Variants in CSGALNACT1 observed in about 807,000 individuals in gnomAD.
CSGALNACT1 encodes beta4GalNAcT-1.
Under a neutral mutation model 51.0 loss-of-function variants are expected in CSGALNACT1, and 52 were observed. The observed-to-expected ratio is 1.02, with a 90% CI of 0.82 to 1.29. The LOEUF (loss-of-function observed/expected upper bound fraction) is 1.29. Among genes scored for constraint, CSGALNACT1 ranks in the 50% most tolerant of loss-of-function variants. The pLI, the probability that CSGALNACT1 is intolerant of heterozygous loss-of-function variation, is 0.00. For missense variants in CSGALNACT1, 935 were observed against 679.2 expected, an observed-to-expected ratio of 1.38 and a Z score of -4.19; for synonymous variants, 341 against 254.4, an observed-to-expected ratio of 1.34 and a Z score of -3.24.
At chr8:19,668,341 TACAC>T (rs111315690) in intron 1 of CSGALNACT1, among the ~76,000 whole-genome samples, 1 of 150,644 alleles carries the variant, frequency 6.6e-6, no homozygotes, top group Non-Finnish European at 1.5e-5. Context: ...CATGCACGGT[TACAC>T]ACACACACAC....
chr8:19,511,689 T>G (rs79522645), intron 3 of CSGALNACT1, among the ~76,000 whole-genome samples: 4,779 of 152,026 alleles, frequency 0.031, 225 homozygotes, highest in African/African-American at 0.11. Context: ...TGTACTGGGG[T>G]CTTGATGTGA....
At chr8:19,752,820 A>C (rs1351403398) in intron 1 of CSGALNACT1, among the ~76,000 whole-genome samples, 1 of 152,242 alleles carries the variant, frequency 6.6e-6, no homozygotes, top group Non-Finnish European at 1.5e-5. Context: ...GCCTAAAAAC[A>C]GCAATAAAAA....
chr8:19,567,811 AAC>A (rs1457252709), intron 3 of CSGALNACT1, among the ~76,000 whole-genome samples: 1 of 152,212 alleles, frequency 6.6e-6, no homozygotes, highest in Non-Finnish European at 1.5e-5. Flanking sequence ...TTAGATGTAA[AAC>A]ACAATGTGGA....
upstream of CSGALNACT1, chr8:19,682,751 A>G (rs11204064): frequency 0.48 from 215,709 of 453,790 alleles, 51,880 homozygotes; most frequent in South Asian, 0.53. Flanking sequence ...TGCGGATCCC[A>G]GAACAAGCCC....
In CSGALNACT1 at chr8:19,555,858, A is replaced by T. The variant is rs778447992; in HGVS notation, c.-297+35302T>A. ...GAGTGACTGAAATGCAACTCCGTGG[A>T]AACACCCCAACTCCACACATTCATC... is the stretch of plus-strand genomic sequence containing the variant. On this transcript the variant is annotated intron_variant, in intron 3 of 9. Transcript: ENST00000454498. Among the ~76,000 whole-genome samples, 9 of 152,296 alleles carry T rather than the reference A, an allele frequency of 5.9e-5. No homozygotes were observed. The Middle Eastern group carries it at 0.014, about 230-fold the overall frequency.
At chr8:19,446,535 T>C (rs1393335524) in intron 5 of CSGALNACT1, among the ~76,000 whole-genome samples, 1 of 152,154 alleles carries the variant, frequency 6.6e-6, no homozygotes, top group African/African-American at 2.4e-5. Flanking sequence ...ACTCATTCAG[T>C]TACTGAGAGA....
chr8:19,442,821 AC>A (rs1421513897), intron 5 of CSGALNACT1, among the ~76,000 whole-genome samples: 2 of 152,154 alleles, frequency 1.3e-5, no homozygotes, highest in African/African-American at 4.8e-5. Context: ...TGTGGGCCAA[AC>A]ACAGAGTCTT....
intron 1 of CSGALNACT1, among the ~76,000 whole-genome samples, chr8:19,673,540 A>G (rs750271336): frequency 6.6e-6 from 1 of 152,186 alleles, no homozygotes; most frequent in Non-Finnish European, 1.5e-5. Context: ...AAGATGCACC[A>G]CAGGAGAAAA....
chr8:19,650,797 G>A (rs575166144), intron 1 of CSGALNACT1, among the ~76,000 whole-genome samples: 1 of 152,288 alleles, frequency 6.6e-6, no homozygotes, highest in East Asian at 1.9e-4. Flanking sequence ...TAATGATTTT[G>A]GCCAGGAAGT....
At chr8:19,615,665 AACAAAG>A (rs1371065802) in intron 1 of CSGALNACT1, among the ~76,000 whole-genome samples, 1 of 152,236 alleles carries the variant, frequency 6.6e-6, no homozygotes, top group Admixed American at 6.5e-5. Context: ...AAACATCCCT[AACAAAG>A]ACAAAGATTT....
At chr8:19,464,019 C>A (rs1424063439) in intron 4 of CSGALNACT1, among the ~76,000 whole-genome samples, 1 of 152,214 alleles carries the variant, frequency 6.6e-6, no homozygotes, top group Non-Finnish European at 1.5e-5. Context: ...CCACTCCTGA[C>A]TCAGATTCCC....
At chr8:19,615,990 A>G (rs1227132212) in intron 1 of CSGALNACT1, among the ~76,000 whole-genome samples, 1 of 152,220 alleles carries the variant, frequency 6.6e-6, no homozygotes, top group Non-Finnish European at 1.5e-5. Flanking sequence ...TATCCATATC[A>G]TCAACTCTTA....
intron 1 of CSGALNACT1, among the ~76,000 whole-genome samples, chr8:19,739,356 A>C (rs1343601973): frequency 6.6e-6 from 1 of 152,152 alleles, no homozygotes; most frequent in East Asian, 1.9e-4. Context: ...TAGGATCTGT[A>C]CAGGTAGCCT....
chr8:19,440,488 G>C (rs1026148404), intron 5 of CSGALNACT1, among the ~76,000 whole-genome samples: 9 of 151,706 alleles, frequency 5.9e-5, no homozygotes, highest in African/African-American at 2.2e-4. Flanking sequence ...CTCAATAGAT[G>C]CAGAAAAGGC....
chr8:19,594,913 C>A (rs1378088365), intron 2 of CSGALNACT1, among the ~76,000 whole-genome samples: 2 of 152,008 alleles, frequency 1.3e-5, no homozygotes, highest in African/African-American at 4.8e-5. Context: ...ATATACCTAC[C>A]CTCCAGGCTT....
chr8:19,454,149 G>A (rs549583617), intron 5 of CSGALNACT1, among the ~76,000 whole-genome samples: 1 of 152,324 alleles, frequency 6.6e-6, no homozygotes, highest in African/African-American at 2.4e-5. Flanking sequence ...TTTAAGCCCA[G>A]CTAAGCTGAC....
chr8:19,554,512 G>C (rs1231297188), intron 3 of CSGALNACT1, among the ~76,000 whole-genome samples: 2 of 152,226 alleles, frequency 1.3e-5, no homozygotes, highest in African/African-American at 2.4e-5. Flanking sequence ...TTAAATAGAG[G>C]AACTAAAAAT....
intron 1 of CSGALNACT1, among the ~76,000 whole-genome samples, chr8:19,750,576 T>C (rs765416967): frequency 2.6e-5 from 4 of 152,174 alleles, no homozygotes; most frequent in African/African-American, 7.2e-5. Context: ...AAGATGTTAT[T>C]ATCCCCATTT....
At chr8:19,693,845 G>C (rs1202784103) in intron 1 of CSGALNACT1, among the ~76,000 whole-genome samples, 1 of 152,082 alleles carries the variant, frequency 6.6e-6, no homozygotes, top group Admixed American at 6.5e-5. Flanking sequence ...TGGTGCAAAA[G>C]TAATTACGGT....
Sources: gnomAD v4.1 joint callset for allele counts (sites outside exome capture counted in the v4.1 genomes callset) on GRCh38, gnomAD v4.1.1 for gene constraint, MANE v1.5 for transcripts, NCBI Gene and HGNC (gene_info 2026-07-23, HGNC 2026-07-21) for gene names.